The following PCDH15 variants were observed in gnomAD, a reference collection of about 807,000 sequenced individuals.
PCDH15 encodes protocadherin-15.
Under a neutral mutation model 178.5 loss-of-function variants are expected in PCDH15, and 129 were observed. That is an observed-to-expected ratio of 0.72 (90% CI 0.63 to 0.84). PCDH15 has a LOEUF of 0.84. Ranked by LOEUF, PCDH15 falls within the 40% of genes least tolerant of loss-of-function variation. The pLI, the probability that PCDH15 is intolerant of heterozygous loss-of-function variation, is 0.00. For missense variants in PCDH15, 2,230 were observed against 2,099.9 expected (o/e 1.06, Z -1.21); for synonymous variants, 800 against 732.0 (o/e 1.09, Z -1.50).
intron 1 of PCDH15, among the ~76,000 whole-genome samples, chr10:55,228,245 A>G (rs546305994): frequency 6.6e-6 from 1 of 152,234 alleles, no homozygotes; most frequent in East Asian, 1.9e-4. Flanking sequence ...TATTATGTAT[A>G]TCTGCCTGTT....
chr10:54,992,101 AT>A (rs896145723), intron 2 of PCDH15, among the ~76,000 whole-genome samples: 29 of 152,086 alleles, frequency 1.9e-4, no homozygotes, highest in African/African-American at 7.0e-4. Flanking sequence ...AAAATAAAGA[AT>A]TTTTTAAAAA....
intron 8 of PCDH15, among the ~76,000 whole-genome samples, chr10:54,285,181 G>C (rs1185821321): frequency 1.3e-5 from 2 of 151,814 alleles, no homozygotes; most frequent in African/African-American, 4.8e-5. Flanking sequence ...TCATGACATT[G>C]GTCTAGGCAC....
At chr10:55,571,708 A>T (rs1445354334) in intron 2 of PCDH15, among the ~76,000 whole-genome samples, 2 of 152,246 alleles carry the variant, frequency 1.3e-5, no homozygotes, top group South Asian at 4.1e-4. Context: ...CATATGAGAC[A>T]ACTGCATAAT....
intron 26 of PCDH15, among the ~76,000 whole-genome samples, chr10:53,883,233 C>T (rs2080860079): frequency 6.6e-6 from 1 of 151,898 alleles, no homozygotes. Flanking sequence ...TGTATTCTTC[C>T]AGCAAACTAG....
intron 2 of PCDH15, among the ~76,000 whole-genome samples, chr10:55,572,438 T>A (rs1223336936): frequency 6.6e-6 from 1 of 150,824 alleles, no homozygotes; most frequent in Non-Finnish European, 1.5e-5. Context: ...ATTAATATAT[T>A]ATAATTTTTA....
At chr10:55,294,226 CA>C (rs1462090911) in intron 1 of PCDH15, among the ~76,000 whole-genome samples, 2 of 152,146 alleles carry the variant, frequency 1.3e-5, no homozygotes, top group African/African-American at 4.8e-5. Flanking sequence ...AACCTGTCCC[CA>C]TGATTCAATT....
intron 1 of PCDH15, among the ~76,000 whole-genome samples, chr10:55,269,569 A>T (rs557766187): frequency 2.0e-5 from 3 of 152,282 alleles, no homozygotes; most frequent in African/African-American, 4.8e-5. Context: ...AAATACAGCT[A>T]ACCAAGGAGG....
intron 2 of PCDH15, among the ~76,000 whole-genome samples, chr10:54,904,781 T>TTCTAATAACTTCTAA: frequency 6.6e-6 from 1 of 151,720 alleles, no homozygotes; most frequent in African/African-American, 2.4e-5. Context: ...CCCCACTTCC[T>TTCTAATAACTTCTAA]TAACTCTAAT....
At chr10:53,949,174 G>A (rs138275375) in intron 23 of PCDH15, among the ~76,000 whole-genome samples, 1 of 152,250 alleles carries the variant, frequency 6.6e-6, no homozygotes, top group African/African-American at 2.4e-5. Context: ...GGTGCACAGG[G>A]AACCTATCAA....
chr10:55,320,273 G>GCA (rs148809070), upstream of PCDH15, among the ~76,000 whole-genome samples: 260 of 151,482 alleles, frequency 1.7e-3, no homozygotes, highest in African/African-American at 5.7e-3. Flanking sequence ...GCCATTGCTG[G>GCA]CACACACACA....
At chr10:55,508,084 T>G in intron 2 of PCDH15, among the ~76,000 whole-genome samples, 1 of 151,714 alleles carries the variant, frequency 6.6e-6, no homozygotes, top group East Asian at 1.9e-4. Flanking sequence ...TTTTATTTTT[T>G]GAAAATTTTT....
At chr10:54,692,256 T>C (rs772999076) in intron 1 of PCDH15, among the ~76,000 whole-genome samples, 7 of 152,154 alleles carry the variant, frequency 4.6e-5, no homozygotes, top group Admixed American at 1.3e-4. Context: ...CATCTCAAAT[T>C]GAGCTCACTA....
chr10:55,175,706 A>C (rs564328240), intron 1 of PCDH15, among the ~76,000 whole-genome samples: 1 of 151,772 alleles, frequency 6.6e-6, no homozygotes, highest in East Asian at 1.9e-4. Flanking sequence ...AAAAGAAAAA[A>C]GAAAAAGAAA....
chr10:54,731,350 T>G (rs147913799), intron 1 of PCDH15, among the ~76,000 whole-genome samples: 1 of 150,622 alleles, frequency 6.6e-6, no homozygotes, highest in African/African-American at 2.4e-5. Context: ...TGAAAAAAAG[T>G]ATGACAGTTT....
chr10:53,881,989 C>CTT (rs5785025), intron 26 of PCDH15, among the ~76,000 whole-genome samples: 9 of 138,190 alleles, frequency 6.5e-5, no homozygotes, highest in African/African-American at 2.4e-4. Flanking sequence ...TGCCCACTTG[C>CTT]TTTTTTTTTT....
At chr10:54,600,576 A>G (rs375137597) in intron 2 of PCDH15, 21 of 589,050 alleles carry the variant, frequency 3.6e-5, no homozygotes, top group African/African-American at 3.6e-4. Flanking sequence ...CATCACTCAA[A>G]TGGTCGAAGA....
intron 14 of PCDH15, among the ~76,000 whole-genome samples, chr10:54,151,655 A>G (rs2044548549): frequency 6.6e-6 from 1 of 152,164 alleles, no homozygotes; most frequent in Admixed American, 6.6e-5. Flanking sequence ...AAAGCCTGCT[A>G]AAAAACACAA....
chr10:55,095,747 A>G (rs1397645029), intron 2 of PCDH15, among the ~76,000 whole-genome samples: 1 of 152,152 alleles, frequency 6.6e-6, no homozygotes, highest in Non-Finnish European at 1.5e-5. Context: ...TAACAGTGAT[A>G]ACAGGTAAAA....
chr10:53,900,064 C>T (rs16913796), intron 26 of PCDH15, among the ~76,000 whole-genome samples: 14,255 of 152,142 alleles, frequency 0.094, 734 homozygotes, highest in African/African-American at 0.13. Flanking sequence ...TTAAATTCTT[C>T]ATCCTCCAGG....
Sources: allele counts gnomAD v4.1 joint callset (sites outside exome capture counted in the v4.1 genomes callset), GRCh38; gene constraint gnomAD v4.1.1; transcripts MANE v1.5; gene names NCBI Gene and HGNC (gene_info 2026-07-23, HGNC 2026-07-21).